The following HUWE1 variants were observed in gnomAD, a reference collection of about 807,000 sequenced individuals.
HUWE1 encodes the protein HECT, UBA and WWE domain containing E3 ubiquitin protein ligase 1, also known as E3 ubiquitin-protein ligase HUWE1.
In HUWE1, 18 loss-of-function variants were observed where a neutral mutation model predicts 299.4. The ratio of observed to expected loss-of-function variants is 0.06; its 90% CI spans 0.04 to 0.09. The LOEUF is 0.09. HUWE1 is among the 10% of genes least tolerant of loss of function. The pLI, the probability that HUWE1 is intolerant of heterozygous loss-of-function variation, is 1.00. For missense variants in HUWE1, 1,832 were observed against 3,462.3 expected, an observed-to-expected ratio of 0.53 and a Z score of 11.82; for synonymous variants, 1,317 against 1,286.1, an observed-to-expected ratio of 1.02 and a Z score of -0.51.
At chrX:53,556,073 C>A in intron 60 of HUWE1, 1 of 279,014 alleles carries the variant, frequency 3.6e-6, no homozygotes, top group Non-Finnish European at 7.1e-6. Flanking sequence ...TTATATGCTC[C>A]AATTAATGAA....
At chrX:53,686,089 T>G (rs1214828728) in intron 2 of HUWE1, among the ~76,000 whole-genome samples, 181 bp downstream of exon 2, 1 of 112,472 alleles carries the variant, frequency 8.9e-6, no homozygotes, top group Non-Finnish European at 1.9e-5. Flanking sequence ...TGTGTGTGTG[T>G]AGTACCATTT....
At chrX:53,579,570 G>T (rs1439630494) in intron 43 of HUWE1, among the ~76,000 whole-genome samples, 3 of 107,242 alleles carry the variant, frequency 2.8e-5, no homozygotes, top group African/African-American at 6.9e-5. Flanking sequence ...GATGGAAGTA[G>T]ACATGGGAGA....
At position 53,627,418 on chromosome X, in the gene HUWE1, T is replaced by C; in HGVS notation, c.1481A>G (p.Asp494Gly). The change falls in exon 17 of 84, where the codon GAT becomes GGT. Residue 494 changes from aspartate (D) to glycine (G), a missense_variant. Asp to Gly is a moderately conservative substitution (Grantham distance 94). Coordinates refer to ENST00000262854, the MANE Select transcript of HUWE1 (RefSeq NM_031407.7). ...TTQEGEEMET[D>G]MDGVQCIPQR... ...TAATAACTGTTAATTACCATCCATA[T>C]CAGTTTCCATTTCCTCTCCTTCTTG... is the stretch of plus-strand genomic sequence containing the variant. 8.9e-7 allele frequency: 1 copy of C among 1,119,542 alleles called. No individual in the cohort carries two copies. Among genetic ancestry groups the C allele is most frequent in the Non-Finnish European group, 1.2e-6 (1 of 812,482 alleles). 92.3% of individuals were successfully genotyped at this position (1,119,542 alleles called of 1,213,427 possible).
At position 53,551,147 on chromosome X, in the gene HUWE1, C is replaced by T. The variant is rs782291996; in HGVS notation, c.9139G>A (p.Ala3047Thr). 1 of 1,210,193 alleles carries T rather than the reference C, an allele frequency of 8.3e-7. No homozygotes were observed. Among genetic ancestry groups the T allele is most frequent in the African/African-American group, 1.7e-5 (1 of 57,189 alleles). Residue 3047 changes from alanine (A) to threonine (T), a missense_variant, in exon 65 of 84, where the codon GCA (alanine) becomes ACA (threonine). This residue lies in a region of HUWE1 where 91 missense variants were observed against 281.2 expected (regional missense o/e 0.32). Transcript: ENST00000262854. ...QRAEQQRREL[A>T]QNASSDTPMD... ...GGGGTGTCTGAGCTGGCATTCTGTGCTAGTTCTCGTCGCTGCTGCTCAGCT... is the reference window on the plus strand; with the variant it reads ...GGGGTGTCTGAGCTGGCATTCTGTGTTAGTTCTCGTCGCTGCTGCTCAGCT...
At chrX:53,650,091 T>G (rs782730587) in intron 4 of HUWE1, among the ~76,000 whole-genome samples, 46 of 112,153 alleles carry the variant, frequency 4.1e-4, no homozygotes, top group African/African-American at 1.4e-3. Context: ...TAGGGCAACT[T>G]GTATCATAGC....
At chrX:53,608,943 A>G in intron 23 of HUWE1, 34 bp from the exon 24 acceptor site, 1 of 827,131 alleles carries the variant, frequency 1.2e-6, no homozygotes, top group Non-Finnish European at 1.8e-6. Context: ...TTACACAGAA[A>G]TTCACAATAC....
chrX:53,580,815 A>G lies in HUWE1; in HGVS notation c.5716+16T>C. Reference sequence around the variant, plus strand: ...CACAAACTTAATATCAAAGGCCAGGAGCAAGCGAAACTTACCAGTTCCTGA... The same window carrying G: ...CACAAACTTAATATCAAAGGCCAGGGGCAAGCGAAACTTACCAGTTCCTGA... On this transcript the variant is annotated intron_variant, in intron 43 of 83. Coordinates refer to ENST00000262854, the MANE Select transcript of HUWE1 (RefSeq NM_031407.7). 8.3e-7 allele frequency: 1 copy of G among 1,208,108 alleles called. No homozygotes were observed. Among genetic ancestry groups the G allele is most frequent in the Non-Finnish European group, 1.1e-6 (1 of 891,931 alleles).
In HUWE1 at chrX:53,548,196, G is replaced by T; in HGVS notation, c.10113C>A (p.Ala3371=). ...AGGACTGTGAGGAGCATGGGCTACA[G>T]GCCTTATTGCCCCTTTCCCGATCAC... ...CESDRERGNK[A]CSPCSSQSSS... Residue 3371 remains alanine (A), a synonymous_variant, in exon 68 of 84, where the codon GCC becomes GCA. Transcript: ENST00000262854. 8.3e-7 allele frequency: 1 copy of T among 1,209,737 alleles called. No individual in the cohort carries two copies. Among genetic ancestry groups the T allele is most frequent in the Non-Finnish European group, 1.1e-6 (1 of 894,235 alleles).
chrX:53,645,732 AAAAAATATATATAT>A (rs1200470012), intron 6 of HUWE1, among the ~76,000 whole-genome samples: 217 of 17,710 alleles, frequency 0.012, 1 homozygote, highest in Middle Eastern at 0.026. Flanking sequence ...AAAAAAAAAA[AAAAAATATATATAT>A]ATATATATAT....
intron 8 of HUWE1, 35 bp downstream of exon 8, chrX:53,634,201 G>A: frequency 6.3e-6 from 7 of 1,102,759 alleles, no homozygotes; most frequent in Non-Finnish European, 8.8e-6. Flanking sequence ...CCACAGCTCT[G>A]TCAAAAGACA....
intron 3 of HUWE1, among the ~76,000 whole-genome samples, chrX:53,656,422 G>A (rs1557043011): frequency 1.9e-5 from 2 of 105,125 alleles, no homozygotes; most frequent in East Asian, 6.0e-4. Flanking sequence ...AGCACCTGTA[G>A]TCCCAGCTAC....
intron 3 of HUWE1, among the ~76,000 whole-genome samples, chrX:53,668,598 C>T (rs1194913038): frequency 9.0e-6 from 1 of 111,579 alleles, no homozygotes; most frequent in Non-Finnish European, 1.9e-5. Context: ...AGTTGCCATA[C>T]ATCTCTGAGT....
chrX:53,560,480 A>G, intron 55 of HUWE1, 64 bp from the exon 56 acceptor site: 1 of 1,001,031 alleles, frequency 1.0e-6, no homozygotes, highest in Non-Finnish European at 1.4e-6. Context: ...TTGTTCAAGC[A>G]GAATCATGTC....
intron 2 of HUWE1, among the ~76,000 whole-genome samples, chrX:53,684,493 G>A (rs1194012529): frequency 8.9e-6 from 1 of 111,873 alleles, no homozygotes; most frequent in African/African-American, 3.3e-5. Context: ...GCCATGTCCT[G>A]AAAACTGCCT....
intron 52 of HUWE1, among the ~76,000 whole-genome samples, 189 bp downstream of exon 52, chrX:53,563,557 A>G (rs2062390970): frequency 9.0e-6 from 1 of 111,589 alleles, no homozygotes. Context: ...GCAACACTTT[A>G]GACTGCCACA....
intron 30 of HUWE1, 143 bp from the exon 31 acceptor site, chrX:53,594,764 C>G (rs2064363732): frequency 6.8e-6 from 4 of 585,743 alleles, no homozygotes; most frequent in African/African-American, 2.3e-5. Flanking sequence ...ATGAGTATCC[C>G]TATCAGAAAA....
Position 53,647,469 on chromosome X carries a change from G to A in HUWE1, c.250C>T (p.Pro84Ser), listed in dbSNP as rs781867777. ...NMSWMLVCDR[P>S]EREQLKMLLL... ...AGCATTTTCAGTTGCTCTCTTTCTG[G>A]CCTATCACATACGAGCATCCATGAC... The change falls in exon 6 of 84, where the codon CCA becomes TCA. Residue 84 changes from proline (P) to serine (S), a missense_variant. Pro to Ser is a moderately conservative substitution (Grantham distance 74, BLOSUM62 -1). Coordinates refer to ENST00000262854, the MANE Select transcript of HUWE1 (RefSeq NM_031407.7). 2 of 1,205,400 alleles carry A rather than the reference G, an allele frequency of 1.7e-6. No individual in the cohort carries two copies. The highest frequency in any genetic ancestry group is 2.2e-6 in the Non-Finnish European group (2 of 889,794).
At position 53,580,761 on chromosome X, in the gene HUWE1, A is replaced by G. The variant is rs191119938; in HGVS notation, c.5716+70T>C. 41 of 1,066,492 alleles carry G rather than the reference A, an allele frequency of 3.8e-5. No individual in the cohort carries two copies. In the African/African-American group the frequency reaches 6.4e-4, roughly 17 times the overall value. The allele number at this position is 1,066,492 out of a possible 1,213,427, so 87.9% of individuals were successfully genotyped here. A position where few individuals can be genotyped will look rare whatever the true frequency, so the allele number is the denominator to read the frequency against. ...GGCTCTTCAAGTTACAGACCTCCTCATAAATAAATTTCTGGATTTATACCA... is the reference window on the plus strand; with the variant it reads ...GGCTCTTCAAGTTACAGACCTCCTCGTAAATAAATTTCTGGATTTATACCA... On this transcript the variant is annotated intron_variant, in intron 43 of 83. Coordinates refer to ENST00000262854, the MANE Select transcript of HUWE1 (RefSeq NM_031407.7).
Position 53,648,329 on chromosome X carries a change from T to G in HUWE1, c.46-19A>C. The G allele has an allele frequency of 9.8e-7, 1 of 1,023,139 alleles. No individual in the cohort carries two copies. Among genetic ancestry groups the G allele is most frequent in the Non-Finnish European group, 1.4e-6 (1 of 727,197 alleles). The allele number at this position is 1,023,139 out of a possible 1,213,427, so 84.3% of individuals were successfully genotyped here. A position where few individuals can be genotyped will look rare whatever the true frequency, so the allele number is the denominator to read the frequency against. On this transcript the variant is annotated intron_variant, in intron 4 of 83. Coordinates refer to ENST00000262854, the MANE Select transcript of HUWE1 (RefSeq NM_031407.7). ...CTGCAGGCTGAGAAAAGAAAAGTAT[T>G]CACAAAAGATGTTTTGGAATGAGGG...
Sources: allele counts gnomAD v4.1 joint callset (sites outside exome capture counted in the v4.1 genomes callset), GRCh38; gene constraint gnomAD v4.1.1; regional missense constraint gnomAD v4.1.1; transcripts MANE v1.5; gene names NCBI Gene and HGNC (gene_info 2026-07-23, HGNC 2026-07-21).